Variants in ESR1 observed in about 807,000 individuals in gnomAD.
ESR1 encodes estrogen receptor.
In ESR1, 12 loss-of-function variants were observed where a neutral mutation model predicts 52.7. The ratio of observed to expected loss-of-function variants is 0.23; its 90% CI spans 0.15 to 0.37. The LOEUF (loss-of-function observed/expected upper bound fraction) is 0.37, where lower values mean the gene tolerates loss of function less well. Among genes scored for constraint, ESR1 ranks in the 10% least tolerant of loss-of-function variants. The probability of loss-of-function intolerance (pLI) is 1.00; values close to 1 mark genes in which losing one functional copy is unlikely to be tolerated. For missense variants in ESR1, 584 were observed against 779.7 expected, an observed-to-expected ratio of 0.75 and a Z score of 2.99; for synonymous variants, 305 against 316.8, an observed-to-expected ratio of 0.96 and a Z score of 0.39.
rs371171375 is a variant in ESR1, at chr6:151,850,286, A to G, written c.643+7499A>G. ...AACCCACAGTATACTTCCAGTATAT[A>G]CTTCAGTATATGGGCCCTTAATCTA... On this transcript the variant is annotated intron_variant, in intron 2 of 7. Coordinates refer to ENST00000206249, the MANE Select transcript of ESR1 (RefSeq NM_000125.4). Among the ~76,000 whole-genome samples, 56 of 150,170 alleles carry G rather than the reference A, an allele frequency of 3.7e-4. No homozygotes were observed. In the East Asian group the frequency reaches 6.0e-3, roughly 16 times the overall value.
At chr6:151,747,433 C>T (rs1783565161) in intron 2 of ESR1, among the ~76,000 whole-genome samples, 1 of 152,128 alleles carries the variant, frequency 6.6e-6, no homozygotes, top group African/African-American at 2.4e-5. Flanking sequence ...TAAACTCATG[C>T]TATTTTTCTT....
chr6:151,897,071 G>A (rs1795641268), intron 3 of ESR1, among the ~76,000 whole-genome samples: 1 of 151,926 alleles, frequency 6.6e-6, no homozygotes, highest in South Asian at 2.1e-4. Flanking sequence ...AATTTTCTTA[G>A]TTTTTTTGAC....
chr6:151,759,285 A>G (rs1044556445), intron 2 of ESR1, among the ~76,000 whole-genome samples: 3 of 151,688 alleles, frequency 2.0e-5, no homozygotes, highest in South Asian at 2.1e-4. Context: ...AAAAAAAAAA[A>G]AAAAGAAAAC....
At chr6:151,824,397 A>G (rs1189454068) in intron 1 of ESR1, among the ~76,000 whole-genome samples, 1 of 152,148 alleles carries the variant, frequency 6.6e-6, no homozygotes, top group Non-Finnish European at 1.5e-5. Flanking sequence ...AGTAGATTGC[A>G]AAAATTTTCT....
At chr6:151,920,758 A>G (rs1255368109) in intron 3 of ESR1, among the ~76,000 whole-genome samples, 1 of 151,836 alleles carries the variant, frequency 6.6e-6, no homozygotes, top group African/African-American at 2.4e-5. Context: ...TGTGATTGTC[A>G]TCACATCGTA....
intron 2 of ESR1, among the ~76,000 whole-genome samples, chr6:151,857,199 T>C (rs1788004071): frequency 6.6e-6 from 1 of 152,180 alleles, no homozygotes; most frequent in Non-Finnish European, 1.5e-5. Context: ...GTAGTGTCTG[T>C]GCTGAACACA....
intron 2 of ESR1, among the ~76,000 whole-genome samples, chr6:151,763,650 A>T (rs968020625): frequency 1.3e-5 from 2 of 152,180 alleles, no homozygotes; most frequent in Non-Finnish European, 2.9e-5. Context: ...CTTGGAAAAC[A>T]GTTTGTCGTT....
intron 4 of ESR1, among the ~76,000 whole-genome samples, chr6:152,000,580 C>A (rs977918114): frequency 7.2e-5 from 11 of 152,020 alleles, no homozygotes; most frequent in South Asian, 2.1e-4. Context: ...TGAGATAAGT[C>A]AATTCTCTTC....
chr6:151,801,399 A>T (rs887030778), upstream of ESR1, among the ~76,000 whole-genome samples: 3 of 152,222 alleles, frequency 2.0e-5, no homozygotes, highest in African/African-American at 7.2e-5. Flanking sequence ...AAAAGTTACT[A>T]AATTCTATTA....
intron 6 of ESR1, among the ~76,000 whole-genome samples, chr6:152,115,240 C>T (rs2051196918): frequency 6.6e-6 from 1 of 152,088 alleles, no homozygotes; most frequent in African/African-American, 2.4e-5. Context: ...CTAATCAATA[C>T]ATATAGATTG....
intron 2 of ESR1, among the ~76,000 whole-genome samples, chr6:151,786,633 T>C (rs1296527889): frequency 6.6e-6 from 1 of 152,108 alleles, no homozygotes; most frequent in Non-Finnish European, 1.5e-5. Flanking sequence ...TTGGTTGATT[T>C]TTTAAAAAAT....
chr6:151,880,533 G>A (rs1562507211), intron 2 of ESR1, 122 bp from the exon 3 acceptor site: 1 of 766,468 alleles, frequency 1.3e-6, no homozygotes, highest in East Asian at 2.4e-5. Flanking sequence ...CAGGCAGGCT[G>A]GGGAGCAACA....
intron 2 of ESR1, among the ~76,000 whole-genome samples, chr6:151,725,493 T>C (rs1395533639): frequency 6.6e-6 from 1 of 152,232 alleles, no homozygotes; most frequent in Admixed American, 6.5e-5. Flanking sequence ...TCTCCAATTA[T>C]TGGTTTTCTG....
At chr6:151,771,595 G>C (rs1320631976) in intron 2 of ESR1, among the ~76,000 whole-genome samples, 3 of 152,150 alleles carry the variant, frequency 2.0e-5, no homozygotes, top group Non-Finnish European at 4.4e-5. Flanking sequence ...ATATATCATG[G>C]AGTGAAAAAC....
intron 2 of ESR1, among the ~76,000 whole-genome samples, chr6:151,756,945 G>A (rs1784336043): frequency 6.6e-6 from 1 of 152,114 alleles, no homozygotes; most frequent in Non-Finnish European, 1.5e-5. Flanking sequence ...AGCCGGCATT[G>A]AGCCACTGCA....
chr6:151,920,875 C>T (rs993942773), intron 3 of ESR1, among the ~76,000 whole-genome samples: 5 of 152,046 alleles, frequency 3.3e-5, no homozygotes, highest in Non-Finnish European at 7.4e-5. Flanking sequence ...TTACTCTTCT[C>T]CCTGTCCATA....
chr6:151,860,942 G>A (rs1207873573), intron 2 of ESR1, among the ~76,000 whole-genome samples: 2 of 152,072 alleles, frequency 1.3e-5, no homozygotes, highest in East Asian at 1.9e-4. Flanking sequence ...TTTAGATAGC[G>A]GAGGTCATGT....
chr6:151,800,102 G>A (rs150750840), upstream of ESR1, among the ~76,000 whole-genome samples: 16 of 152,306 alleles, frequency 1.1e-4, no homozygotes, highest in Non-Finnish European at 1.9e-4. Flanking sequence ...TAGGTACCTG[G>A]CAAAGTGGAC....
chr6:151,807,891 A>G lies in ESR1; in HGVS notation c.-22A>G. 1 of 1,608,184 alleles carries G rather than the reference A, an allele frequency of 6.2e-7. No individual in the cohort carries two copies. The highest frequency in any genetic ancestry group is 8.5e-7 in the Non-Finnish European group (1 of 1,175,720). The stretch of plus-strand genomic sequence containing the variant: ...TCTGCCCTGCGGGGACACGGTCTGC[A>G]CCCTGCCCGCGGCCACGGACCATGA... On this transcript the variant is annotated 5_prime_UTR_variant, in exon 1 of 8. Coordinates refer to ENST00000206249, the MANE Select transcript of ESR1 (RefSeq NM_000125.4).
Sources: allele counts gnomAD v4.1 joint callset (sites outside exome capture counted in the v4.1 genomes callset), GRCh38; gene constraint gnomAD v4.1.1; transcripts MANE v1.5; gene names NCBI Gene and HGNC (gene_info 2026-07-23, HGNC 2026-07-21).